The following DPP6 variants were observed in gnomAD, a reference collection of about 807,000 sequenced individuals.
The protein encoded by DPP6 is dipeptidyl peptidase like 6, also known as A-type potassium channel modulatory protein DPP6.
DPP6 carries 69 observed loss-of-function variants against 122.6 expected under a neutral mutation model. That is an observed-to-expected ratio of 0.56 (90% CI 0.46 to 0.69). DPP6 has a LOEUF of 0.69. Among genes scored for constraint, DPP6 ranks in the 30% least tolerant of loss-of-function variants. DPP6 has a pLI of 0.00. For synonymous variants in DPP6, 418 were observed against 433.1 expected (o/e 0.97, Z 0.43); for missense variants, 928 against 1,116.9 (o/e 0.83, Z 2.41).
chr7:153,889,114 G>T (rs1029366628), intron 1 of DPP6, among the ~76,000 whole-genome samples: 3 of 152,194 alleles, frequency 2.0e-5, no homozygotes, highest in African/African-American at 7.2e-5. Flanking sequence ...TCGCAGGGAA[G>T]TAATCGCCGC....
intron 1 of DPP6, among the ~76,000 whole-genome samples, chr7:154,435,678 G>A (rs925494237): frequency 6.6e-6 from 1 of 152,164 alleles, no homozygotes; most frequent in Non-Finnish European, 1.5e-5. Flanking sequence ...ATCATTTGCT[G>A]TCCTCCTGAA....
chr7:154,024,020 A>C (rs1798849508), intron 1 of DPP6, among the ~76,000 whole-genome samples: 1 of 152,192 alleles, frequency 6.6e-6, no homozygotes, highest in East Asian at 1.9e-4. Flanking sequence ...AGTTCTGATT[A>C]TTCTGGGAGC....
chr7:154,417,373 C>T (rs1016704137), intron 1 of DPP6, among the ~76,000 whole-genome samples: 21 of 152,188 alleles, frequency 1.4e-4, no homozygotes, highest in Non-Finnish European at 2.5e-4. Flanking sequence ...ACGTACCAAG[C>T]ACTGGAGGTA....
chr7:154,728,350 G>T (rs1842171364), intron 8 of DPP6, among the ~76,000 whole-genome samples: 1 of 152,202 alleles, frequency 6.6e-6, no homozygotes, highest in Non-Finnish European at 1.5e-5. Context: ...AATCATCAGA[G>T]TGACTTGCTG....
chr7:154,424,037 T>A (rs1491842), intron 1 of DPP6, among the ~76,000 whole-genome samples: 2 of 152,074 alleles, frequency 1.3e-5, no homozygotes, highest in Non-Finnish European at 1.5e-5. Flanking sequence ...TATATGAAAA[T>A]TTTTTGACTC....
chr7:154,607,364 C>T (rs1233152053), intron 5 of DPP6, among the ~76,000 whole-genome samples: 1 of 116,082 alleles, frequency 8.6e-6, no homozygotes, highest in Non-Finnish European at 1.9e-5. Flanking sequence ...TTGAGACCAT[C>T]CTGGCTAACA....
intron 1 of DPP6, among the ~76,000 whole-genome samples, chr7:154,174,445 G>A (rs1170272996): frequency 6.6e-6 from 1 of 152,148 alleles, no homozygotes; most frequent in Non-Finnish European, 1.5e-5. Context: ...TCCAGTGCAC[G>A]GCACATTTTT....
rs143957449 is a variant in DPP6, at chr7:154,194,643, G to A, written c.243+141580G>A. Among the ~76,000 whole-genome samples, 362 of 152,248 alleles carry A rather than the reference G, an allele frequency of 2.4e-3. 10 individuals carry two copies. The East Asian group carries it at 0.053, about 22-fold the overall frequency. On this transcript the variant is annotated intron_variant, in intron 1 of 25. Transcript: ENST00000377770. ...GGAACCATATAGGATGAATTCTTTC[G>A]TTGTCAGACTTCCTTCTTTATCCCT...
chr7:154,881,902 C>A (rs547744928), intron 21 of DPP6, among the ~76,000 whole-genome samples: 1 of 152,312 alleles, frequency 6.6e-6, no homozygotes, highest in African/African-American at 2.4e-5. Flanking sequence ...GATGTCCACT[C>A]ACTGCCTGTG....
intron 7 of DPP6, among the ~76,000 whole-genome samples, chr7:154,715,718 G>C (rs539405494): frequency 6.6e-6 from 1 of 152,284 alleles, no homozygotes; most frequent in South Asian, 2.1e-4. Context: ...TGCTCAAGAA[G>C]TACTTTGTTT....
intron 8 of DPP6, among the ~76,000 whole-genome samples, chr7:154,759,936 A>G (rs558532335): frequency 1.3e-5 from 2 of 152,354 alleles, no homozygotes; most frequent in East Asian, 3.9e-4. Flanking sequence ...ATCCAGGCCA[A>G]TATGGTGAAA....
chr7:154,452,631 T>G (rs1820483978), intron 2 of DPP6, among the ~76,000 whole-genome samples: 1 of 152,256 alleles, frequency 6.6e-6, no homozygotes, highest in African/African-American at 2.4e-5. Flanking sequence ...AGAAAATCCA[T>G]TCTGAACTCA....
chr7:154,456,564 G>T lies in DPP6; in HGVS notation c.358+10236G>T, dbSNP rs1044675775. On this transcript the variant is annotated intron_variant, in intron 2 of 25. Transcript: ENST00000377770. The stretch of plus-strand genomic sequence containing the variant: ...AAGGATGCGGTAGGCTAAAAAATGC[G>T]CCCCCCCCACCAAAAAAAAAGTCCA... Among the ~76,000 whole-genome samples, 10 of 96,790 alleles carry T rather than the reference G, an allele frequency of 1.0e-4. No individual in the cohort carries two copies. The East Asian group carries it at 4.5e-3, about 44-fold the overall frequency. The allele number at this position is 96,790 out of a possible 152,430, so 63.5% of individuals were successfully genotyped here.
intron 7 of DPP6, among the ~76,000 whole-genome samples, chr7:154,697,207 T>C (rs10245822): frequency 0.96 from 146,536 of 152,288 alleles, 70,733 homozygotes; most frequent in Non-Finnish European, 1. Flanking sequence ...TGTCCCGTCA[T>C]GTTCCTGGCA....
chr7:154,419,705 T>C (rs952808079), intron 1 of DPP6, among the ~76,000 whole-genome samples: 4 of 152,216 alleles, frequency 2.6e-5, no homozygotes, highest in Non-Finnish European at 2.9e-5. Flanking sequence ...CCTCGAATTT[T>C]GAAGCGCAGT....
At chr7:153,843,145 C>T in the DPP6 span, among the ~76,000 whole-genome samples, 8 of 152,096 alleles carry the variant, frequency 5.3e-5, no homozygotes, top group South Asian at 4.2e-4. Context: ...CATACAGACA[C>T]GTGCATGCAC....
At chr7:154,274,302 A>T (rs1316979889) in intron 1 of DPP6, among the ~76,000 whole-genome samples, 1 of 152,198 alleles carries the variant, frequency 6.6e-6, no homozygotes, top group Non-Finnish European at 1.5e-5. Flanking sequence ...GGGATTCTAT[A>T]GTTCCTCAGT....
chr7:153,887,511 A>T (rs1380105049), exon 1 of DPP6: 1 of 629,564 alleles, frequency 1.6e-6, no homozygotes, highest in African/African-American at 1.8e-5. Context: ...GAGTAAAGAC[A>T]CGGGCAGGGG....
intron 1 of DPP6, among the ~76,000 whole-genome samples, chr7:154,107,893 C>T (rs1325183265): frequency 6.6e-6 from 1 of 152,140 alleles, no homozygotes; most frequent in Admixed American, 6.5e-5. Flanking sequence ...CTCAGGGGCC[C>T]TTCACAAAAC....
Sources: allele counts gnomAD v4.1 joint callset (sites outside exome capture counted in the v4.1 genomes callset), GRCh38; gene constraint gnomAD v4.1.1; transcripts MANE v1.5; gene names NCBI Gene and HGNC (gene_info 2026-07-23, HGNC 2026-07-21).